The following SPA17 variants were observed in gnomAD, a reference collection of about 807,000 sequenced individuals.
SPA17 encodes the protein sperm autoantigenic protein 17.
A neutral mutation model predicts 13.8 loss-of-function variants in SPA17; 7 were observed. The observed-to-expected ratio is 0.51, with a 90% confidence interval of 0.29 to 0.95. The LOEUF (loss-of-function observed/expected upper bound fraction) is 0.95, where lower values mean the gene tolerates loss of function less well. Among genes scored for constraint, SPA17 ranks in the 40% least tolerant of loss-of-function variants. The probability of loss-of-function intolerance (pLI) is 0.08; values close to 1 mark genes in which losing one functional copy is unlikely to be tolerated. For synonymous variants in SPA17, 61 were observed against 59.0 expected (o/e 1.03, Z -0.16); for missense variants, 170 against 179.3 (o/e 0.95, Z 0.30).
In SPA17 at chr11:124,695,747, T is replaced by C. The variant is rs1591409716; in HGVS notation, c.*1301T>C. 6.6e-6 allele frequency: 1 copy of C among 152,412 alleles called. No homozygotes were observed. The highest frequency in any genetic ancestry group is 1.5e-5 in the Non-Finnish European group (1 of 68,062). 9.4% of individuals were successfully genotyped at this position (152,412 alleles called of 1,614,324 possible). ...TTTAGTTCCAGGATTACATCTCTCTTGGTTTATAGTCACAAAGCCAGTGTT... is the reference window on the plus strand; with the variant it reads ...TTTAGTTCCAGGATTACATCTCTCTCGGTTTATAGTCACAAAGCCAGTGTT... On this transcript the variant is annotated 3_prime_UTR_variant, in exon 5 of 5. Coordinates refer to ENST00000227135, the MANE Select transcript of SPA17 (RefSeq NM_017425.4).
rs1943682062 is a variant in SPA17 at position 124,697,295 on chromosome 11, C to G, written c.*2849C>G. On this transcript the variant is annotated 3_prime_UTR_variant, in exon 5 of 5. Transcript: ENST00000227135. ...GCTAAGCTAGGCTGGACTACAATCT[C>G]AAGGTTAGGTTCAGGTCAGCTCTAA... The G allele has an allele frequency of 6.6e-6, 1 of 152,216 alleles. No individual in the cohort carries two copies. Among genetic ancestry groups the G allele is most frequent in the Admixed American group, 6.5e-5 (1 of 15,286 alleles). The allele number at this position is 152,216 out of a possible 1,614,324, so 9.4% of individuals were successfully genotyped here.
At chr11:124,679,868 T>C (rs1943510563) in intron 2 of SPA17, among the ~76,000 whole-genome samples, 1 of 152,160 alleles carries the variant, frequency 6.6e-6, no homozygotes, top group South Asian at 2.1e-4. Flanking sequence ...AATTAGAGCA[T>C]CAATAAGAAT....
At chr11:124,691,284 G>A (rs1388510880) in intron 3 of SPA17, among the ~76,000 whole-genome samples, 1 of 152,128 alleles carries the variant, frequency 6.6e-6, no homozygotes, top group African/African-American at 2.4e-5. Flanking sequence ...AAGTCAATTT[G>A]ATGTCACATT....
chr11:124,692,277 C>A (rs1725561527), intron 4 of SPA17, among the ~76,000 whole-genome samples: 6 of 152,122 alleles, frequency 3.9e-5, no homozygotes, highest in Admixed American at 3.9e-4. Context: ...GTACTACATC[C>A]AAGCAGTCAA....
intron 3 of SPA17, among the ~76,000 whole-genome samples, chr11:124,688,388 A>G (rs950028666): frequency 7.2e-5 from 11 of 152,250 alleles, no homozygotes; most frequent in African/African-American, 2.7e-4. Flanking sequence ...TGAATTCTGT[A>G]AAGTTGCAGG....
intron 3 of SPA17, among the ~76,000 whole-genome samples, chr11:124,689,537 A>G (rs1943605823): frequency 1.3e-5 from 2 of 152,200 alleles, no homozygotes; most frequent in African/African-American, 4.8e-5. Flanking sequence ...CTGTAATCCC[A>G]GCACTTTGGG....
chr11:124,688,202 G>A (rs1943593566), intron 3 of SPA17, among the ~76,000 whole-genome samples: 1 of 152,000 alleles, frequency 6.6e-6, no homozygotes, highest in East Asian at 1.9e-4. Context: ...TTGTAAAAAC[G>A]GGCTTTTGCT....
At position 124,682,548 on chromosome 11, in the gene SPA17, T is replaced by A. The variant is rs574367210; in HGVS notation, c.225+1089T>A. On this transcript the variant is annotated intron_variant, in intron 3 of 4. Transcript: ENST00000227135. Reference sequence around the variant, plus strand: ...TTACAAGGTGATAGATTTTTATTTTTAAAAAAACCCTAACATAAATTCTGG... The same window carrying A: ...TTACAAGGTGATAGATTTTTATTTTAAAAAAAACCCTAACATAAATTCTGG... Among the ~76,000 whole-genome samples, 11 of 152,200 alleles carry A rather than the reference T, an allele frequency of 7.2e-5. No individual in the cohort carries two copies. In the South Asian group the frequency reaches 1.9e-3, roughly 26 times the overall value.
At chr11:124,694,280 T>A in intron 4 of SPA17, 23 bp from the exon 5 acceptor site, 1 of 1,601,738 alleles carries the variant, frequency 6.2e-7, no homozygotes, top group African/African-American at 1.4e-5. Context: ...AAGAGTCTCT[T>A]ACTTTTTCTC....
At chr11:124,676,772 A>G (rs1263645387) in intron 2 of SPA17, among the ~76,000 whole-genome samples, 1 of 152,228 alleles carries the variant, frequency 6.6e-6, no homozygotes, top group East Asian at 1.9e-4. Context: ...TGAGGATTGA[A>G]AAACTACCTA....
chr11:124,687,582 A>G (rs1184126463), intron 3 of SPA17, among the ~76,000 whole-genome samples: 1 of 152,216 alleles, frequency 6.6e-6, no homozygotes, highest in Non-Finnish European at 1.5e-5. Context: ...ATCCAACAGC[A>G]CATCAAAAAG....
Position 124,695,885 on chromosome 11 carries a change from G to A in SPA17, c.*1439G>A, listed in dbSNP as rs1238606080. 2.0e-5 allele frequency: 3 copies of A among 152,294 alleles called. No individual in the cohort carries two copies. The South Asian group carries it at 6.2e-4, about 32-fold the overall frequency. 9.4% of individuals were successfully genotyped at this position (152,294 alleles called of 1,614,324 possible). ...ACAAACACTTTGATCCTTGTCCTAG[G>A]CTTAGACATGCTCTTTCTGCAAAGC... On this transcript the variant is annotated 3_prime_UTR_variant, in exon 5 of 5. Transcript: ENST00000227135.
chr11:124,675,500 A>AT, intron 2 of SPA17, 82 bp downstream of exon 2: 2 of 1,478,274 alleles, frequency 1.4e-6, no homozygotes, highest in South Asian at 1.3e-5. Context: ...GACCATCTCC[A>AT]TTCTGCAGAA....
At position 124,696,519 on chromosome 11, in the gene SPA17, A is replaced by C. The variant is rs921602365; in HGVS notation, c.*2073A>C. ...CACACACAGATCTCATGGTAGTGAT[A>C]TTGGTAGTGAAGGAGGAAAAGGAAA... On this transcript the variant is annotated 3_prime_UTR_variant, in exon 5 of 5. Coordinates refer to ENST00000227135, the MANE Select transcript of SPA17 (RefSeq NM_017425.4). 5 of 152,166 alleles carry C rather than the reference A, an allele frequency of 3.3e-5. No homozygotes were observed. Among genetic ancestry groups the C allele is most frequent in the African/African-American group, 9.7e-5 (4 of 41,418 alleles). The allele number at this position is 152,166 out of a possible 1,614,324, so 9.4% of individuals were successfully genotyped here.
chr11:124,680,650 G>A (rs1943519314), intron 2 of SPA17, among the ~76,000 whole-genome samples: 1 of 152,108 alleles, frequency 6.6e-6, no homozygotes, highest in African/African-American at 2.4e-5. Context: ...GTATTTTGAA[G>A]TATGATAATG....
chr11:124,688,871 GTTACTT>G (rs1943598883), intron 3 of SPA17, among the ~76,000 whole-genome samples: 1 of 152,154 alleles, frequency 6.6e-6, no homozygotes, highest in African/African-American at 2.4e-5. Flanking sequence ...CATTTTTGCT[GTTACTT>G]TTAGTGGAAA....
intron 2 of SPA17, among the ~76,000 whole-genome samples, chr11:124,678,337 A>T (rs2134408224): frequency 6.7e-6 from 1 of 149,660 alleles, no homozygotes; most frequent in South Asian, 2.1e-4. Context: ...GTGTGCTACC[A>T]TTTTTTTTTT....
At chr11:124,679,718 G>C (rs1943507880) in intron 2 of SPA17, among the ~76,000 whole-genome samples, 1 of 152,116 alleles carries the variant, frequency 6.6e-6, no homozygotes, top group Non-Finnish European at 1.5e-5. Flanking sequence ...TCATGAACTT[G>C]GCAGGGAATA....
At position 124,681,410 on chromosome 11, in the gene SPA17, A is replaced by G. The variant is rs1170233874; in HGVS notation, c.176A>G (p.Glu59Gly). ...KREKTNFDPA[E>G]WGSKVEDRFY... Reference sequence around the variant, plus strand: ...TTAGAAACCAACTTTGATCCAGCAGAATGGGGGAGTAAGGTAGAAGACCGC... The same window carrying G: ...TTAGAAACCAACTTTGATCCAGCAGGATGGGGGAGTAAGGTAGAAGACCGC... Residue 59 changes from glutamate to glycine, a missense_variant, in exon 3 of 5, where the codon GAA becomes GGA. Transcript: ENST00000227135. 6.3e-7 allele frequency: 1 copy of G among 1,578,368 alleles called. No homozygotes were observed. The highest frequency in any genetic ancestry group is 8.6e-7 in the Non-Finnish European group (1 of 1,159,544).
Sources: gnomAD v4.1 joint callset for allele counts (sites outside exome capture counted in the v4.1 genomes callset) on GRCh38, gnomAD v4.1.1 for gene constraint, MANE v1.5 for transcripts, NCBI Gene and HGNC (gene_info 2026-07-23, HGNC 2026-07-21) for gene names.